TNR: variants seen among roughly 807,000 people sequenced by gnomAD.
The protein encoded by TNR is tenascin-R.
A neutral mutation model predicts 150.4 loss-of-function variants in TNR; 45 were observed. The ratio of observed to expected loss-of-function variants is 0.30; its 90% CI spans 0.24 to 0.38. The LOEUF is 0.38. Among genes scored for constraint, TNR ranks in the 10% least tolerant of loss-of-function variants. The pLI is 1.00. For synonymous variants in TNR, 687 were observed against 678.4 expected (o/e 1.01, Z -0.20); for missense variants, 1,544 against 1,759.1 (o/e 0.88, Z 2.19).
At chr1:175,592,064 A>T (rs112240756) in intron 1 of TNR, among the ~76,000 whole-genome samples, 1 of 152,218 alleles carries the variant, frequency 6.6e-6, no homozygotes, top group African/African-American at 2.4e-5. Context: ...TTACTGCAGC[A>T]TCATGTAGTG....
intron 2 of TNR, among the ~76,000 whole-genome samples, chr1:175,469,537 T>A (rs1047137060): frequency 6.6e-6 from 1 of 151,914 alleles, no homozygotes. Flanking sequence ...GGCATGTGGG[T>A]TAGCACTTCC....
intron 21 of TNR, among the ~76,000 whole-genome samples, chr1:175,328,836 G>T (rs1473380921): frequency 6.6e-6 from 1 of 152,234 alleles, no homozygotes; most frequent in Admixed American, 6.5e-5. Flanking sequence ...CTGTAGGGAA[G>T]TTGGAGGGCT....
rs376305450 is a variant in TNR at position 175,386,098 on chromosome 1, C to G, written c.1711G>C (p.Glu571Gln). The G allele has an allele frequency of 6.6e-5, 106 of 1,612,498 alleles. No individual in the cohort carries two copies. The highest frequency in any genetic ancestry group is 9.0e-5 in the Non-Finnish European group (106 of 1,178,868). Reference protein sequence around the residue: ...VQALRPGSRYEVSVSAVRGTN... With the variant: ...VQALRPGSRYQVSVSAVRGTN... ...CCTCGGACGGCACTGACTGACACCTCGTATCGGGAGCCAGGCCGCAGGGCC... is the reference window on the plus strand; with the variant it reads ...CCTCGGACGGCACTGACTGACACCTGGTATCGGGAGCCAGGCCGCAGGGCC... Residue 571 changes from glutamate (E) to glutamine (Q), a missense_variant, in exon 8 of 23, where the codon GAG becomes CAG. Physicochemically the swap from Glu to Gln is conservative, Grantham distance 29 (BLOSUM62 2). Around this residue, in one of 2 missense-constraint regions of TNR, gnomAD observed 1,254 missense variants for 1,329.4 expected, o/e 0.94. Transcript: ENST00000367674.
chr1:175,579,716 CAA>C (rs1662272186), intron 1 of TNR, among the ~76,000 whole-genome samples: 1 of 151,196 alleles, frequency 6.6e-6, no homozygotes, highest in Non-Finnish European at 1.5e-5. Context: ...GGGTAGGAGA[CAA>C]AGAGGCCAGG....
At chr1:175,625,586 G>C (rs1664126624) in intron 1 of TNR, among the ~76,000 whole-genome samples, 1 of 152,242 alleles carries the variant, frequency 6.6e-6, no homozygotes, top group Non-Finnish European at 1.5e-5. Flanking sequence ...GAGTGACTCT[G>C]AGCAGAGCCT....
At chr1:175,499,812 CG>C (rs929300874) in intron 2 of TNR, among the ~76,000 whole-genome samples, 6 of 152,140 alleles carry the variant, frequency 3.9e-5, no homozygotes, top group Non-Finnish European at 8.8e-5. Context: ...AGGAAGTACA[CG>C]GGCCTATCTC....
chr1:175,681,108 C>T (rs924985854), intron 1 of TNR, among the ~76,000 whole-genome samples: 2 of 152,116 alleles, frequency 1.3e-5, no homozygotes, highest in African/African-American at 2.4e-5. Flanking sequence ...TAAAAAGGGA[C>T]AGGAAGAAGG....
At chr1:175,344,874 T>TA (rs1475902551) in intron 18 of TNR, among the ~76,000 whole-genome samples, 17 of 151,876 alleles carry the variant, frequency 1.1e-4, no homozygotes, top group Non-Finnish European at 2.2e-4. Context: ...ATTAGTCTGA[T>TA]AAAAAAACAA....
At position 175,616,262 on chromosome 1, in the gene TNR, C is replaced by T. The variant is rs6425353; in HGVS notation, c.-164-87893G>A. 3.0e-3 allele frequency among the ~76,000 whole-genome samples: 463 copies of T among 152,302 alleles called. 10 individuals are homozygous for T. The highest frequency in any genetic ancestry group is 0.011 in the African/African-American group (453 of 41,558). On this transcript the variant is annotated intron_variant, in intron 1 of 22. Transcript: ENST00000367674. ...CCTGCTCATGGCCCTGTGTTCATGA[C>T]CAAAGCCTCCCCTCTATAGCCCTCA...
intron 1 of TNR, among the ~76,000 whole-genome samples, chr1:175,644,611 A>G (rs1346010258): frequency 6.6e-6 from 1 of 152,218 alleles, no homozygotes; most frequent in Admixed American, 6.5e-5. Context: ...CATTTTGTGA[A>G]TTGTGGCACT....
At chr1:175,334,111 T>C (rs1198190354) in intron 20 of TNR, among the ~76,000 whole-genome samples, 1 of 152,116 alleles carries the variant, frequency 6.6e-6, no homozygotes, top group Non-Finnish European at 1.5e-5. Context: ...ACAAAGGGGA[T>C]TAGCCATCGC....
chr1:175,470,409 G>A (rs1204533586), intron 2 of TNR, among the ~76,000 whole-genome samples: 1 of 152,142 alleles, frequency 6.6e-6, no homozygotes, highest in African/African-American at 2.4e-5. Flanking sequence ...TCCACCCAAA[G>A]GCATGCCACT....
At chr1:175,671,525 C>T (rs1466524703) in intron 1 of TNR, among the ~76,000 whole-genome samples, 1 of 152,198 alleles carries the variant, frequency 6.6e-6, no homozygotes, top group Non-Finnish European at 1.5e-5. Context: ...AGTCTTCACT[C>T]AGCATCGTGG....
chr1:175,370,811 G>A (rs1178510504), intron 9 of TNR, among the ~76,000 whole-genome samples: 1 of 152,148 alleles, frequency 6.6e-6, no homozygotes, highest in Non-Finnish European at 1.5e-5. Context: ...GATCTAACAT[G>A]TAACATTTTC....
intron 1 of TNR, among the ~76,000 whole-genome samples, chr1:175,572,908 T>C (rs982059354): frequency 2.0e-5 from 3 of 151,808 alleles, no homozygotes; most frequent in Non-Finnish European, 1.5e-5. Context: ...TCCCTAACCA[T>C]GATTTAGAAT....
intron 1 of TNR, among the ~76,000 whole-genome samples, chr1:175,721,838 C>T (rs998596403): frequency 2.0e-5 from 3 of 150,090 alleles, no homozygotes; most frequent in Admixed American, 6.7e-5. Flanking sequence ...GATCCACCAG[C>T]GCCCTCCCCC....
At chr1:175,353,852 T>TTTA (rs1264801244) in intron 18 of TNR, among the ~76,000 whole-genome samples, 61 of 13,440 alleles carry the variant, frequency 4.5e-3, no homozygotes, top group Non-Finnish European at 8.2e-3. Context: ...TTTTTATTTA[T>TTTA]TTTTTTTTTT....
At chr1:175,428,995 G>A (rs1333721106) in intron 2 of TNR, among the ~76,000 whole-genome samples, 1 of 152,092 alleles carries the variant, frequency 6.6e-6, no homozygotes, top group East Asian at 1.9e-4. Context: ...TATACATTTG[G>A]TCCAAATAAA....
chr1:175,619,950 T>G (rs1459147099), intron 1 of TNR, among the ~76,000 whole-genome samples: 2 of 152,242 alleles, frequency 1.3e-5, no homozygotes, highest in African/African-American at 4.8e-5. Context: ...CTTGTGTAAA[T>G]CACTGAAACT....
Sources: gnomAD v4.1 joint callset for allele counts (sites outside exome capture counted in the v4.1 genomes callset) on GRCh38, gnomAD v4.1.1 for gene constraint, gnomAD v4.1.1 regional missense constraint, MANE v1.5 for transcripts, NCBI Gene and HGNC (gene_info 2026-07-23, HGNC 2026-07-21) for gene names.